Variants in ZNG1A observed in about 807,000 individuals in gnomAD.
The protein encoded by ZNG1A is Zn regulated GTPase metalloprotein activator 1A, also known as zinc-regulated GTPase metalloprotein activator 1A.
the ZNG1A span, chr9:121,640 A>G: frequency 2.7e-6 from 4 of 1,477,086 alleles, no homozygotes; most frequent in South Asian, 4.6e-5. Context: ...TCACCTATCA[A>G]TTCCAGTTCA....
At chr9:121,975 C>T in the ZNG1A span, 441 of 1,611,718 alleles carry the variant, frequency 2.7e-4, no homozygotes, top group Admixed American at 9.5e-4. Context: ...GAGGACCAAT[C>T]GATTTGTTCT....
chr9:148,362 A>AAT, the ZNG1A span: 1 of 73,224 alleles, frequency 1.4e-5, no homozygotes, highest in African/African-American at 4.2e-5. Flanking sequence ...AAAACAATAA[A>AAT]ATATCCAAGT....
chr9:155,197 T>C, the ZNG1A span, among the ~76,000 whole-genome samples: 5 of 150,276 alleles, frequency 3.3e-5, no homozygotes, highest in African/African-American at 1.2e-4. Flanking sequence ...AGAAGAAGAG[T>C]TTACCTACTA....
the ZNG1A span, among the ~76,000 whole-genome samples, chr9:145,320 T>C: frequency 6.7e-6 from 1 of 149,978 alleles, no homozygotes; most frequent in Admixed American, 6.6e-5. Flanking sequence ...AATGATAGAC[T>C]GGATTAAGAA....
the ZNG1A span, among the ~76,000 whole-genome samples, chr9:169,889 G>T: frequency 2.2e-5 from 2 of 91,980 alleles, no homozygotes; most frequent in Non-Finnish European, 2.1e-5. Context: ...TTAAGAAATG[G>T]GGTCTCATGC....
the ZNG1A span, among the ~76,000 whole-genome samples, chr9:136,804 C>G: frequency 1.3e-5 from 2 of 151,844 alleles, 1 homozygote; most frequent in South Asian, 4.2e-4. Flanking sequence ...TTTAAGAGGC[C>G]AAGTAGGAGA....
the ZNG1A span, chr9:123,050 T>G: frequency 1.3e-6 from 2 of 1,513,306 alleles, no homozygotes; most frequent in East Asian, 2.3e-5. Context: ...TCAAGCCTTA[T>G]GCAGTGATTT....
chr9:158,347 G>A, the ZNG1A span, among the ~76,000 whole-genome samples: 23 of 152,062 alleles, frequency 1.5e-4, no homozygotes, highest in African/African-American at 5.3e-4. Context: ...ACTTAACAAT[G>A]ATATATTTTT....
chr9:169,005 G>C, the ZNG1A span, among the ~76,000 whole-genome samples: 1 of 152,036 alleles, frequency 6.6e-6, no homozygotes, highest in African/African-American at 2.4e-5. Context: ...CACTGATCAA[G>C]GAGTAACTTT....
At chr9:127,102 A>G in the ZNG1A span, among the ~76,000 whole-genome samples, 1 of 152,148 alleles carries the variant, frequency 6.6e-6, no homozygotes, top group Non-Finnish European at 1.5e-5. Context: ...TGGCTATCAC[A>G]TGGTCTATCT....
chr9:149,192 G>A, the ZNG1A span: 1 of 151,612 alleles, frequency 6.6e-6, no homozygotes, highest in Non-Finnish European at 1.5e-5. Context: ...GCCTCACATT[G>A]AATCTACCTC....
chr9:133,715 C>A, the ZNG1A span, among the ~76,000 whole-genome samples: 1 of 138,288 alleles, frequency 7.2e-6, no homozygotes, highest in African/African-American at 2.7e-5. Flanking sequence ...TTTAAAAAGG[C>A]TCCACATGCG....
At chr9:156,457 A>C in the ZNG1A span, 1 of 1,578,274 alleles carries the variant, frequency 6.3e-7, no homozygotes, top group Non-Finnish European at 8.5e-7. Flanking sequence ...GCCAGCAATC[A>C]ATATATACTT....
At chr9:169,064 C>T in the ZNG1A span, among the ~76,000 whole-genome samples, 1 of 151,954 alleles carries the variant, frequency 6.6e-6, no homozygotes, top group Non-Finnish European at 1.5e-5. Flanking sequence ...CTATAGCTAC[C>T]ATAGACAGTG....
At chr9:123,914 G>A in the ZNG1A span, among the ~76,000 whole-genome samples, 1 of 151,730 alleles carries the variant, frequency 6.6e-6, no homozygotes, top group African/African-American at 2.4e-5. Flanking sequence ...GGGAAAATAA[G>A]GGTCAAAAAA....
the ZNG1A span, chr9:160,215 C>A: frequency 2.6e-5 from 12 of 454,310 alleles, no homozygotes; most frequent in Non-Finnish European, 4.9e-5. Context: ...ATATCAATTA[C>A]CACCTCAGTT....
chr9:171,525 G>C, the ZNG1A span: 1 of 154,372 alleles, frequency 6.5e-6, no homozygotes, highest in Non-Finnish European at 1.4e-5. Context: ...GCTTTCCATA[G>C]TAGAGTTCAG....
At chr9:145,131 C>T in the ZNG1A span, among the ~76,000 whole-genome samples, 1 of 149,084 alleles carries the variant, frequency 6.7e-6, no homozygotes, top group African/African-American at 2.5e-5. Context: ...TTGTGGAAGT[C>T]AGTGTGGCGA....
the ZNG1A span, chr9:153,901 A>T: frequency 6.6e-6 from 1 of 152,102 alleles, no homozygotes. Context: ...ATTAAAGATA[A>T]CCAATACTAA....
Sources: allele counts gnomAD v4.1 joint callset (sites outside exome capture counted in the v4.1 genomes callset), GRCh38; gene constraint gnomAD v4.1.1; transcripts MANE v1.5; gene names NCBI Gene and HGNC (gene_info 2026-07-23, HGNC 2026-07-21).